CNTNAP5: variants seen among roughly 807,000 people sequenced by gnomAD.
CNTNAP5 encodes the protein contactin-associated protein-like 5.
CNTNAP5 carries 72 observed loss-of-function variants against 150.2 expected under a neutral mutation model. The ratio of observed to expected loss-of-function variants is 0.48; its 90% confidence interval spans 0.40 to 0.58. The LOEUF (loss-of-function observed/expected upper bound fraction) is 0.58. CNTNAP5 is among the 20% of genes least tolerant of loss of function. CNTNAP5 has a pLI of 0.00. For missense variants in CNTNAP5, 1,636 were observed against 1,626.2 expected (o/e 1.01, Z -0.10); for synonymous variants, 672 against 619.8 (o/e 1.08, Z -1.25).
intron 19 of CNTNAP5, among the ~76,000 whole-genome samples, chr2:124,847,317 G>A (rs540971926): frequency 5.9e-5 from 9 of 152,222 alleles, no homozygotes; most frequent in East Asian, 1.9e-4. Context: ...GTGTGACTTC[G>A]AGTCCAATGG....
intron 13 of CNTNAP5, among the ~76,000 whole-genome samples, chr2:124,715,509 G>A (rs1190459198): frequency 6.6e-6 from 1 of 151,968 alleles, no homozygotes; most frequent in Non-Finnish European, 1.5e-5. Context: ...AAGGAGGGTG[G>A]AATTTTTATT....
intron 3 of CNTNAP5, among the ~76,000 whole-genome samples, chr2:124,251,947 A>T (rs570101317): frequency 9.2e-5 from 14 of 152,318 alleles, no homozygotes; most frequent in Non-Finnish European, 1.8e-4. Context: ...ACTACGTGTA[A>T]ACAGCTCAGC....
At chr2:124,408,205 A>T (rs574206184) in intron 3 of CNTNAP5, among the ~76,000 whole-genome samples, 175 of 152,312 alleles carry the variant, frequency 1.1e-3, no homozygotes, top group Non-Finnish European at 1.9e-3. Flanking sequence ...CCACGAGATT[A>T]TATCTCGCAC....
intron 13 of CNTNAP5, among the ~76,000 whole-genome samples, chr2:124,732,180 T>A (rs1028149180): frequency 3.9e-5 from 6 of 152,136 alleles, no homozygotes; most frequent in Admixed American, 2.0e-4. Flanking sequence ...GAGCTCAAGA[T>A]AAAATGTTGA....
At chr2:124,177,607 T>A (rs1012888429) in intron 1 of CNTNAP5, among the ~76,000 whole-genome samples, 1 of 152,168 alleles carries the variant, frequency 6.6e-6, no homozygotes, top group Non-Finnish European at 1.5e-5. Context: ...GAGAAACAGA[T>A]ACATGAATGT....
intron 7 of CNTNAP5, among the ~76,000 whole-genome samples, chr2:124,496,716 A>C (rs1182147022): frequency 6.6e-6 from 1 of 152,290 alleles, no homozygotes; most frequent in South Asian, 2.1e-4. Flanking sequence ...GGACAGCCAC[A>C]CCTGACTTAC....
intron 3 of CNTNAP5, among the ~76,000 whole-genome samples, chr2:124,314,440 CAG>C (rs992364907): frequency 4.6e-5 from 7 of 152,146 alleles, no homozygotes; most frequent in African/African-American, 1.7e-4. Flanking sequence ...AGGCGCAACA[CAG>C]AGTTGATTCA....
intron 1 of CNTNAP5, among the ~76,000 whole-genome samples, chr2:124,028,618 A>G (rs868063429): frequency 1.3e-5 from 2 of 152,144 alleles, no homozygotes. Context: ...TTAACATCAA[A>G]TGTAGATATA....
chr2:124,459,161 G>T (rs898675066), intron 6 of CNTNAP5, among the ~76,000 whole-genome samples: 1 of 152,104 alleles, frequency 6.6e-6, no homozygotes, highest in Non-Finnish European at 1.5e-5. Flanking sequence ...TAAAAATTGC[G>T]GTCAGCCCTG....
rs1189422236 is a variant in CNTNAP5 at position 124,912,890 on chromosome 2, CAT to C, written c.3728-1201_3728-1200del. Among the ~76,000 whole-genome samples, 11 of 152,158 alleles carry C rather than the reference CAT, an allele frequency of 7.2e-5. No homozygotes were observed. The South Asian group carries it at 2.3e-3, about 32-fold the overall frequency. On this transcript the variant is annotated intron_variant, in intron 23 of 23. Coordinates refer to ENST00000682447, the MANE Select transcript of CNTNAP5 (RefSeq NM_001367498.1). ...TCATCTCTTAATGCAGCATCCCACT[CAT>C]GGGAATCACTCACTACCACCCAGTT... is the stretch of plus-strand genomic sequence containing the variant.
At chr2:124,707,273 C>G (rs1377357091) in intron 13 of CNTNAP5, among the ~76,000 whole-genome samples, 3 of 152,028 alleles carry the variant, frequency 2.0e-5, no homozygotes, top group Admixed American at 2.0e-4. Flanking sequence ...AGGTAATGCC[C>G]AGGGTCACCT....
chr2:124,653,757 T>C (rs976461386), intron 13 of CNTNAP5, among the ~76,000 whole-genome samples: 3 of 152,176 alleles, frequency 2.0e-5, no homozygotes, highest in Admixed American at 2.0e-4. Flanking sequence ...CAAGATCAAT[T>C]AGCAGAATTA....
intron 3 of CNTNAP5, among the ~76,000 whole-genome samples, chr2:124,265,986 C>T (rs546420607): frequency 6.6e-6 from 1 of 152,302 alleles, no homozygotes; most frequent in African/African-American, 2.4e-5. Context: ...ATAACCAAAG[C>T]TTATGAATTC....
intron 1 of CNTNAP5, among the ~76,000 whole-genome samples, chr2:124,206,925 G>A (rs1685879360): frequency 6.6e-6 from 1 of 152,046 alleles, no homozygotes; most frequent in Non-Finnish European, 1.5e-5. Flanking sequence ...GCACTATACA[G>A]CCCAAATATT....
intron 11 of CNTNAP5, among the ~76,000 whole-genome samples, chr2:124,564,021 C>T (rs1303737380): frequency 6.6e-6 from 1 of 152,118 alleles, no homozygotes; most frequent in East Asian, 1.9e-4. Flanking sequence ...GTGAAAAGTG[C>T]TAATGACTGC....
At chr2:124,837,744 C>T (rs966197011) in intron 19 of CNTNAP5, among the ~76,000 whole-genome samples, 1 of 152,100 alleles carries the variant, frequency 6.6e-6, no homozygotes, top group African/African-American at 2.4e-5. Flanking sequence ...GGAATTCATC[C>T]ATTTCAGAAT....
intron 3 of CNTNAP5, among the ~76,000 whole-genome samples, chr2:124,338,030 C>T (rs1689520888): frequency 1.3e-5 from 2 of 152,294 alleles, no homozygotes; most frequent in South Asian, 4.1e-4. Flanking sequence ...TTTGTATCCT[C>T]TTTTATTTCA....
At chr2:124,362,674 C>A (rs1030759098) in intron 3 of CNTNAP5, among the ~76,000 whole-genome samples, 7 of 152,094 alleles carry the variant, frequency 4.6e-5, no homozygotes, top group Non-Finnish European at 1.0e-4. Context: ...CTCCCTGTAC[C>A]TTTCTGTCAA....
At chr2:124,372,151 G>A (rs1244447591) in intron 3 of CNTNAP5, among the ~76,000 whole-genome samples, 1 of 151,988 alleles carries the variant, frequency 6.6e-6, no homozygotes, top group Non-Finnish European at 1.5e-5. Flanking sequence ...TCCTTCCCCA[G>A]TGAGATGAAT....
Sources: gnomAD v4.1 joint callset for allele counts (sites outside exome capture counted in the v4.1 genomes callset) on GRCh38, gnomAD v4.1.1 for gene constraint, MANE v1.5 for transcripts, NCBI Gene and HGNC (gene_info 2026-07-23, HGNC 2026-07-21) for gene names.